CNBD1: variants seen among roughly 807,000 people sequenced by gnomAD.
The protein encoded by CNBD1 is cyclic nucleotide binding domain containing 1.
In CNBD1, 71 loss-of-function variants were observed where a neutral mutation model predicts 54.4. That is an observed-to-expected ratio of 1.30 (90% CI 1.08 to 1.59). CNBD1 has a LOEUF of 1.59. CNBD1 is among the 40% of genes most tolerant of loss of function. The pLI is 0.00. For missense variants in CNBD1, 659 were observed against 518.0 expected (o/e 1.27, Z -2.64); for synonymous variants, 182 against 170.7 (o/e 1.07, Z -0.51).
At chr8:87,012,969 C>A (rs1172784770) in intron 4 of CNBD1, among the ~76,000 whole-genome samples, 2 of 152,328 alleles carry the variant, frequency 1.3e-5, no homozygotes, top group South Asian at 4.1e-4. Flanking sequence ...GCCATGGTCA[C>A]TCATATTTGG....
At chr8:87,422,118 G>A (rs1443227607) in intron 2 of CNBD1, among the ~76,000 whole-genome samples, 3 of 146,244 alleles carry the variant, frequency 2.1e-5, no homozygotes, top group East Asian at 3.9e-4. Flanking sequence ...TTTTTGATGG[G>A]GCTGTTTGTT....
chr8:87,385,654 G>T (rs13274288), downstream of CNBD1, among the ~76,000 whole-genome samples: 6 of 152,046 alleles, frequency 3.9e-5, no homozygotes, highest in Non-Finnish European at 7.4e-5. Context: ...CGCAGCACAA[G>T]GAGGCCTACC....
intron 4 of CNBD1, among the ~76,000 whole-genome samples, chr8:87,184,745 A>C (rs1039627280): frequency 6.7e-6 from 1 of 149,710 alleles, no homozygotes; most frequent in Non-Finnish European, 1.5e-5. Context: ...CCCTATATCC[A>C]CTCCCAACAC....
At chr8:87,002,111 C>T (rs539752475) in intron 4 of CNBD1, among the ~76,000 whole-genome samples, 13 of 152,082 alleles carry the variant, frequency 8.5e-5, no homozygotes, top group Non-Finnish European at 1.5e-4. Flanking sequence ...GCTCCAAGTC[C>T]TTGCCTCTTT....
intron 4 of CNBD1, among the ~76,000 whole-genome samples, chr8:87,091,285 C>T (rs1811198715): frequency 6.6e-6 from 1 of 152,022 alleles, no homozygotes; most frequent in Non-Finnish European, 1.5e-5. Flanking sequence ...CTAATTCTTA[C>T]ATAGGTTACA....
intron 10 of CNBD1, among the ~76,000 whole-genome samples, chr8:87,372,298 A>T (rs1810827727): frequency 6.6e-6 from 1 of 152,000 alleles, no homozygotes; most frequent in Non-Finnish European, 1.5e-5. Flanking sequence ...CTGTTTTTTG[A>T]TAATTTATGA....
intron 4 of CNBD1, among the ~76,000 whole-genome samples, chr8:87,070,971 C>G (rs1810748696): frequency 6.6e-6 from 1 of 151,930 alleles, no homozygotes. Context: ...ATAATGTTTA[C>G]TGTTCTCATT....
chr8:87,030,800 A>C (rs1316852088), intron 4 of CNBD1, among the ~76,000 whole-genome samples: 2 of 150,548 alleles, frequency 1.3e-5, no homozygotes, highest in African/African-American at 2.4e-5. Context: ...CAGAAAGGGA[A>C]AGGGTGATGA....
At chr8:87,122,255 T>C (rs1210601826) in intron 4 of CNBD1, among the ~76,000 whole-genome samples, 1 of 151,900 alleles carries the variant, frequency 6.6e-6, no homozygotes, top group Non-Finnish European at 1.5e-5. Context: ...ATAAAAGCCA[T>C]TCTAAAGGCG....
Position 87,275,046 on chromosome 8 carries a change from C to A in CNBD1, c.772-9632C>A, listed in dbSNP as rs1174810638. 2.2e-5 allele frequency among the ~76,000 whole-genome samples: 3 copies of A among 134,210 alleles called. 1 individual carries two copies. The East Asian group carries it at 6.1e-4, about 27-fold the overall frequency. 88.0% of individuals were successfully genotyped at this position (134,210 alleles called of 152,430 possible). On this transcript the variant is annotated intron_variant, in intron 6 of 10. Transcript: ENST00000518476. ...TAAATAGGGAATCCTTTCCCCATTG[C>A]TTGTTTTTCTCAGGTTTGTCAAAGA...
At chr8:86,935,415 A>G (rs994496206) in intron 3 of CNBD1, among the ~76,000 whole-genome samples, 1 of 152,170 alleles carries the variant, frequency 6.6e-6, no homozygotes, top group African/African-American at 2.4e-5. Flanking sequence ...GAAGGTTCTT[A>G]GTTGTATTCT....
At chr8:87,289,814 A>G (rs1462825641) in intron 8 of CNBD1, among the ~76,000 whole-genome samples, 2 of 152,034 alleles carry the variant, frequency 1.3e-5, no homozygotes, top group Non-Finnish European at 2.9e-5. Flanking sequence ...TTCCAGTTCA[A>G]TTTACTCTTC....
chr8:87,407,052 G>A (rs748705312), intron 2 of CNBD1, among the ~76,000 whole-genome samples: 39 of 151,738 alleles, frequency 2.6e-4, no homozygotes, highest in African/African-American at 9.4e-4. Flanking sequence ...ACATACAGAA[G>A]TACACAGATC....
chr8:86,964,321 G>A (rs1808015068), intron 4 of CNBD1, among the ~76,000 whole-genome samples: 1 of 152,016 alleles, frequency 6.6e-6, no homozygotes, highest in South Asian at 2.1e-4. Context: ...CATCATTGGG[G>A]TCCCATTTAG....
At chr8:87,170,321 A>G (rs1813059738) in intron 4 of CNBD1, among the ~76,000 whole-genome samples, 1 of 152,066 alleles carries the variant, frequency 6.6e-6, no homozygotes. Context: ...GTCTTTATAT[A>G]AGATTATATA....
chr8:86,879,180 A>G (rs1808567723), intron 1 of CNBD1, among the ~76,000 whole-genome samples: 1 of 152,112 alleles, frequency 6.6e-6, no homozygotes, highest in Admixed American at 6.5e-5. Context: ...AATTAGAGTC[A>G]CATTATTATT....
At chr8:87,425,471 T>C (rs908268234) in intron 2 of CNBD1, among the ~76,000 whole-genome samples, 4 of 152,350 alleles carry the variant, frequency 2.6e-5, no homozygotes, top group Non-Finnish European at 5.9e-5. Flanking sequence ...TGGTCTTTGA[T>C]GATGGTGACG....
chr8:86,888,812 G>C (rs4279611), intron 2 of CNBD1, among the ~76,000 whole-genome samples: 140,704 of 152,186 alleles, frequency 0.92, 65,091 homozygotes, highest in East Asian at 1. Context: ...TTTCATTTTC[G>C]TTTTGCTTTC....
intron 8 of CNBD1, among the ~76,000 whole-genome samples, chr8:87,349,379 A>T (rs1032905132): frequency 6.6e-6 from 1 of 152,068 alleles, no homozygotes; most frequent in Non-Finnish European, 1.5e-5. Flanking sequence ...AAGTGTGAAG[A>T]TACAATTTTT....
Sources: allele counts gnomAD v4.1 joint callset (sites outside exome capture counted in the v4.1 genomes callset), GRCh38; gene constraint gnomAD v4.1.1; transcripts MANE v1.5; gene names NCBI Gene and HGNC (gene_info 2026-07-23, HGNC 2026-07-21).